Variants in TAFA2 observed in about 807,000 individuals in gnomAD.
TAFA2 encodes the protein TAFA chemokine like family member 2.
In TAFA2, 7 loss-of-function variants were observed where a neutral mutation model predicts 18.8. The ratio of observed to expected loss-of-function variants is 0.37; its 90% CI spans 0.21 to 0.70. TAFA2 has a LOEUF of 0.70. TAFA2 is among the 30% of genes least tolerant of loss of function. The pLI is 0.53. For synonymous variants in TAFA2, 60 were observed against 54.2 expected, an observed-to-expected ratio of 1.11 and a Z score of -0.47; for missense variants, 122 against 158.1, an observed-to-expected ratio of 0.77 and a Z score of 1.23.
At chr12:62,123,895 T>C (rs1318107393) in intron 1 of TAFA2, among the ~76,000 whole-genome samples, 1 of 151,944 alleles carries the variant, frequency 6.6e-6, no homozygotes, top group Non-Finnish European at 1.5e-5. Context: ...CTCTGCTGGG[T>C]CTGCAGCAGT....
intron 1 of TAFA2, among the ~76,000 whole-genome samples, chr12:62,178,244 C>T (rs902297277): frequency 1.3e-5 from 2 of 152,094 alleles, no homozygotes; most frequent in African/African-American, 4.8e-5. Context: ...AGGCTGCAGT[C>T]AGCTATGATT....
intron 1 of TAFA2, chr12:62,235,323 G>A: frequency 1.5e-6 from 1 of 666,772 alleles, no homozygotes; most frequent in South Asian, 1.8e-5. Context: ...CGGCATCTCT[G>A]TCCTGTGAGG....
chr12:61,863,922 CCATCTCT>C (rs1293844731), intron 2 of TAFA2, among the ~76,000 whole-genome samples: 7 of 152,152 alleles, frequency 4.6e-5, no homozygotes, highest in Non-Finnish European at 1.0e-4. Flanking sequence ...CAAGGAGGGA[CCATCTCT>C]GTGGAGCAAT....
intron 2 of TAFA2, among the ~76,000 whole-genome samples, chr12:61,813,848 A>C (rs1565643091): frequency 6.6e-6 from 1 of 151,480 alleles, no homozygotes; most frequent in African/African-American, 2.5e-5. Flanking sequence ...TACCTATCTC[A>C]TACTGTTGTG....
At position 62,112,182 on chromosome 12, in the gene TAFA2, G is replaced by T. The variant is rs1565748278; in HGVS notation, c.-2+79077C>A. Among the ~76,000 whole-genome samples, 3 of 152,108 alleles carry T rather than the reference G, an allele frequency of 2.0e-5. No individual in the cohort carries two copies. In the South Asian group the frequency reaches 6.2e-4, roughly 31 times the overall value. ...TCAGGAGCTCTTGTAAGGCAGGTCT[G>T]GTGGTGACAAAATCTCTCAGTATTT... On this transcript the variant is annotated intron_variant, in intron 1 of 4. Coordinates refer to ENST00000416284, the MANE Select transcript of TAFA2 (RefSeq NM_178539.5).
At chr12:61,724,829 T>C (rs1043058884) in intron 4 of TAFA2, among the ~76,000 whole-genome samples, 2 of 150,212 alleles carry the variant, frequency 1.3e-5, no homozygotes, top group African/African-American at 2.4e-5. Flanking sequence ...TATATGTATA[T>C]ACACCCAGTA....
chr12:62,216,439 T>C (rs1228756411), intron 1 of TAFA2, among the ~76,000 whole-genome samples: 1 of 152,198 alleles, frequency 6.6e-6, no homozygotes, highest in Admixed American at 6.5e-5. Context: ...AATGACACCT[T>C]TAAAAACCTA....
rs552085904 is a variant in TAFA2 at position 62,185,692 on chromosome 12, T to TA, written c.-2+5566dup. ...AGAACTGTCTATAAGCTAGTAATGA[T>TA]AAAAATATAAGTATAAATGTTGTTT... is the stretch of plus-strand genomic sequence containing the variant. On this transcript the variant is annotated intron_variant, in intron 1 of 4. Coordinates refer to ENST00000416284, the MANE Select transcript of TAFA2 (RefSeq NM_178539.5). Among the ~76,000 whole-genome samples, 47 of 152,314 alleles carry TA rather than the reference T, an allele frequency of 3.1e-4. 1 individual carries two copies. The South Asian group carries it at 4.1e-3, about 13-fold the overall frequency.
chr12:61,769,367 C>T (rs1177538489), intron 2 of TAFA2, among the ~76,000 whole-genome samples: 1 of 151,958 alleles, frequency 6.6e-6, no homozygotes, highest in African/African-American at 2.4e-5. Flanking sequence ...AAGCCTGTAA[C>T]CTCCCTGCAC....
rs537076668 is a variant in TAFA2, at chr12:61,856,578, C to T, written c.106+10742G>A. Among the ~76,000 whole-genome samples, 11 of 152,056 alleles carry T rather than the reference C, an allele frequency of 7.2e-5. No homozygotes were observed. The East Asian group carries it at 1.7e-3, about 24-fold the overall frequency. On this transcript the variant is annotated intron_variant, in intron 2 of 4. Coordinates refer to ENST00000416284, the MANE Select transcript of TAFA2 (RefSeq NM_178539.5). ...CAATTTGACAACATATATCAAAATG[C>T]ATACATTTTAACATGTATAAATGTT...
intron 2 of TAFA2, among the ~76,000 whole-genome samples, chr12:61,773,304 G>T (rs901299581): frequency 6.6e-6 from 1 of 151,840 alleles, no homozygotes; most frequent in Non-Finnish European, 1.5e-5. Context: ...CAAATTCAAT[G>T]CAATTCCCAT....
intron 2 of TAFA2, among the ~76,000 whole-genome samples, chr12:61,768,844 C>A (rs910015366): frequency 2.0e-5 from 3 of 151,832 alleles, no homozygotes; most frequent in Non-Finnish European, 2.9e-5. Flanking sequence ...GGGGAGGGGA[C>A]AAATGGGGAG....
intron 1 of TAFA2, among the ~76,000 whole-genome samples, chr12:62,009,021 T>C (rs1228247651): frequency 1.2e-4 from 19 of 152,224 alleles, no homozygotes; most frequent in Admixed American, 1.2e-3. Context: ...AATTTCCTAT[T>C]GTAAATGTAC....
intron 2 of TAFA2, among the ~76,000 whole-genome samples, chr12:61,862,732 G>A (rs1417241175): frequency 6.6e-6 from 1 of 151,992 alleles, no homozygotes; most frequent in East Asian, 1.9e-4. Flanking sequence ...CATACCTATT[G>A]CTGCTTTGCC....
Position 62,184,490 on chromosome 12 carries a change from A to G in TAFA2, c.-2+6769T>C, listed in dbSNP as rs969157133. ...TACTTAGTGGGTCTGAACACACGGG[A>G]AAAAAAAAATTCTTTTTTTTTTGAG... On this transcript the variant is annotated intron_variant, in intron 1 of 4. Coordinates refer to ENST00000416284, the MANE Select transcript of TAFA2 (RefSeq NM_178539.5). Among the ~76,000 whole-genome samples the G allele has an allele frequency of 1.2e-4, 7 of 60,580 alleles. 1 individual carries two copies. Among genetic ancestry groups the G allele is most frequent in the African/African-American group, 5.5e-4 (7 of 12,830 alleles). 39.7% of individuals were successfully genotyped at this position (60,580 alleles called of 152,430 possible).
chr12:62,221,206 G>A (rs2062759708), intron 1 of TAFA2, among the ~76,000 whole-genome samples: 1 of 118,486 alleles, frequency 8.4e-6, no homozygotes, highest in Non-Finnish European at 1.8e-5. Flanking sequence ...AGGAGGGAAG[G>A]AAGGAAGGGG....
At chr12:62,226,023 A>G (rs1343664791) in intron 1 of TAFA2, among the ~76,000 whole-genome samples, 1 of 152,190 alleles carries the variant, frequency 6.6e-6, no homozygotes, top group Non-Finnish European at 1.5e-5. Context: ...CAAAGTGTTT[A>G]GGTTTTGCCC....
intron 2 of TAFA2, among the ~76,000 whole-genome samples, chr12:61,862,674 C>T (rs896471146): frequency 1.3e-5 from 2 of 152,124 alleles, no homozygotes; most frequent in African/African-American, 4.8e-5. Flanking sequence ...TCTATGCACA[C>T]CATCCTCCTT....
intron 2 of TAFA2, among the ~76,000 whole-genome samples, chr12:61,865,110 C>A (rs1259493777): frequency 6.6e-6 from 1 of 152,152 alleles, no homozygotes; most frequent in East Asian, 1.9e-4. Context: ...TCCCCTCCCC[C>A]TCCTGAAAGG....
Sources: allele counts gnomAD v4.1 joint callset (sites outside exome capture counted in the v4.1 genomes callset), GRCh38; gene constraint gnomAD v4.1.1; transcripts MANE v1.5; gene names NCBI Gene and HGNC (gene_info 2026-07-23, HGNC 2026-07-21).